The following ITFG1 variants were observed in gnomAD, a reference collection of about 807,000 sequenced individuals.
The protein encoded by ITFG1 is T-cell immunomodulatory protein.
Under a neutral mutation model 81.8 loss-of-function variants are expected in ITFG1, and 34 were observed. The observed-to-expected ratio is 0.42, with a 90% CI of 0.32 to 0.55. ITFG1 has a LOEUF of 0.55. ITFG1 is among the 20% of genes least tolerant of loss of function. ITFG1 has a pLI of 0.17. For missense variants in ITFG1, 672 were observed against 755.4 expected (o/e 0.89, Z 1.29); for synonymous variants, 285 against 270.6 (o/e 1.05, Z -0.52).
chr16:47,424,211 T>G (rs1968989486), intron 6 of ITFG1, among the ~76,000 whole-genome samples: 1 of 152,268 alleles, frequency 6.6e-6, no homozygotes, highest in Non-Finnish European at 1.5e-5. Context: ...TTGTTCCACT[T>G]GATCGAATCA....
At chr16:47,351,789 T>G (rs1444920930) in intron 8 of ITFG1, among the ~76,000 whole-genome samples, 1 of 152,138 alleles carries the variant, frequency 6.6e-6, no homozygotes, top group Non-Finnish European at 1.5e-5. Flanking sequence ...GGTGGAGGCA[T>G]CACGCTACCT....
intron 8 of ITFG1, among the ~76,000 whole-genome samples, chr16:47,344,109 G>T (rs1282047879): frequency 6.6e-6 from 1 of 152,064 alleles, no homozygotes; most frequent in Non-Finnish European, 1.5e-5. Flanking sequence ...TAGATTAGAG[G>T]TTATCAGAAT....
intron 8 of ITFG1, among the ~76,000 whole-genome samples, chr16:47,354,504 T>C (rs972453019): frequency 2.0e-5 from 3 of 152,098 alleles, no homozygotes; most frequent in African/African-American, 7.2e-5. Context: ...AAGGATTTTT[T>C]TAGATAAGAC....
intron 12 of ITFG1, among the ~76,000 whole-genome samples, chr16:47,258,107 T>G (rs549329911): frequency 2.6e-5 from 4 of 152,078 alleles, no homozygotes; most frequent in Non-Finnish European, 5.9e-5. Context: ...GAGTTTAGGG[T>G]AGAGAAACTT....
At chr16:47,320,605 A>T (rs1028872855) in intron 8 of ITFG1, among the ~76,000 whole-genome samples, 1 of 152,208 alleles carries the variant, frequency 6.6e-6, no homozygotes, top group Non-Finnish European at 1.5e-5. Flanking sequence ...TTATCTGTAA[A>T]ATGATTAAAA....
chr16:47,404,266 A>C (rs1968700438), intron 6 of ITFG1, among the ~76,000 whole-genome samples: 2 of 152,164 alleles, frequency 1.3e-5, no homozygotes, highest in South Asian at 4.1e-4. Flanking sequence ...TAATGGCAAG[A>C]CTTGATAAGT....
intron 8 of ITFG1, among the ~76,000 whole-genome samples, chr16:47,338,510 A>G (rs948965598): frequency 6.6e-6 from 1 of 152,168 alleles, no homozygotes; most frequent in African/African-American, 2.4e-5. Context: ...TTACATTATA[A>G]TATCTAAATG....
chr16:47,221,370 A>G (rs538853661), intron 13 of ITFG1, among the ~76,000 whole-genome samples: 46 of 152,226 alleles, frequency 3.0e-4, no homozygotes, highest in Non-Finnish European at 6.0e-4. Flanking sequence ...GGTTCTGTTT[A>G]TATGCTGGAT....
chr16:47,436,663 A>T (rs571503764), intron 5 of ITFG1, among the ~76,000 whole-genome samples: 1 of 152,330 alleles, frequency 6.6e-6, no homozygotes, highest in South Asian at 2.1e-4. Flanking sequence ...AAGGTTTATT[A>T]CAGCAAGGAT....
chr16:47,322,058 T>C (rs1443513798), intron 8 of ITFG1, among the ~76,000 whole-genome samples: 1 of 152,196 alleles, frequency 6.6e-6, no homozygotes, highest in African/African-American at 2.4e-5. Flanking sequence ...AGATGTTAAA[T>C]AGCATACAGG....
intron 10 of ITFG1, among the ~76,000 whole-genome samples, chr16:47,284,590 T>C (rs901653620): frequency 2.0e-5 from 3 of 152,200 alleles, no homozygotes; most frequent in South Asian, 2.1e-4. Context: ...TTTCATTACA[T>C]TCTTTAGCTA....
intron 6 of ITFG1, among the ~76,000 whole-genome samples, chr16:47,400,489 CCACTA>C (rs2151599045): frequency 6.7e-6 from 1 of 150,256 alleles, no homozygotes; most frequent in South Asian, 2.1e-4. Flanking sequence ...CACACACACA[CCACTA>C]GACACCAGCA....
chr16:47,193,562 T>G (rs1459174329), intron 14 of ITFG1, among the ~76,000 whole-genome samples: 7 of 152,118 alleles, frequency 4.6e-5, no homozygotes, highest in Non-Finnish European at 1.0e-4. Context: ...GGTGTGTTGG[T>G]GCACACCTGT....
chr16:47,310,523 TTAAC>T (rs1394690707), intron 10 of ITFG1, among the ~76,000 whole-genome samples: 10 of 152,212 alleles, frequency 6.6e-5, no homozygotes, highest in African/African-American at 2.4e-4. Flanking sequence ...AATTATGAGT[TTAAC>T]TACATTGGTT....
At chr16:47,344,419 T>C (rs1311983071) in intron 8 of ITFG1, among the ~76,000 whole-genome samples, 1 of 152,228 alleles carries the variant, frequency 6.6e-6, no homozygotes, top group Non-Finnish European at 1.5e-5. Flanking sequence ...GTTATGCTTA[T>C]ACAACTGTCT....
chr16:47,216,469 G>A (rs1965626104), intron 14 of ITFG1, among the ~76,000 whole-genome samples: 1 of 152,060 alleles, frequency 6.6e-6, no homozygotes, highest in African/African-American at 2.4e-5. Context: ...CGAAAGTGCT[G>A]GGATTACAGG....
At chr16:47,242,931 G>A (rs1269747521) in intron 12 of ITFG1, among the ~76,000 whole-genome samples, 2 of 152,038 alleles carry the variant, frequency 1.3e-5, no homozygotes, top group Admixed American at 1.3e-4. Flanking sequence ...AATTGCATGG[G>A]TACGTTTACT....
At chr16:47,201,506 T>C (rs1965424524) in intron 14 of ITFG1, among the ~76,000 whole-genome samples, 2 of 152,122 alleles carry the variant, frequency 1.3e-5, no homozygotes. Context: ...CGTGCCCGGC[T>C]AGGAGAAAAT....
At chr16:47,254,494 G>A (rs1385850961) in intron 12 of ITFG1, among the ~76,000 whole-genome samples, 1 of 152,056 alleles carries the variant, frequency 6.6e-6, no homozygotes, top group African/African-American at 2.4e-5. Context: ...ACCTCTGTGC[G>A]AGGGAAGAAC....
Sources: allele counts gnomAD v4.1 joint callset (sites outside exome capture counted in the v4.1 genomes callset), GRCh38; gene constraint gnomAD v4.1.1; transcripts MANE v1.5; gene names NCBI Gene and HGNC (gene_info 2026-07-23, HGNC 2026-07-21).